The following EPHA6 variants were observed in gnomAD, a reference collection of about 807,000 sequenced individuals.
The protein encoded by EPHA6 is ephrin type-A receptor 6.
EPHA6 carries 50 observed loss-of-function variants against 112.0 expected under a neutral mutation model. That is an observed-to-expected ratio of 0.45 (90% confidence interval 0.36 to 0.56). EPHA6 has a LOEUF of 0.56. EPHA6 is among the 20% of genes least tolerant of loss of function. The probability of loss-of-function intolerance (pLI) is 0.00; values close to 1 mark genes in which losing one functional copy is unlikely to be tolerated. For missense variants in EPHA6, 1,280 were observed against 1,417.4 expected (o/e 0.90, Z 1.56); for synonymous variants, 529 against 490.7 (o/e 1.08, Z -1.03).
At chr3:97,425,555 G>C (rs1055964444) in intron 6 of EPHA6, among the ~76,000 whole-genome samples, 5 of 152,196 alleles carry the variant, frequency 3.3e-5, no homozygotes, top group African/African-American at 1.2e-4. Flanking sequence ...GCCCAGCCAT[G>C]AAAACATTCT....
intron 2 of EPHA6, among the ~76,000 whole-genome samples, chr3:96,882,768 G>GTGTGTGTATA (rs774521290): frequency 0.035 from 5,269 of 148,836 alleles, 174 homozygotes; most frequent in East Asian, 0.11. Flanking sequence ...GTGTGTGTGT[G>GTGTGTGTATA]TATAGTCAAT....
chr3:96,906,151 C>T (rs2038922718), intron 2 of EPHA6, among the ~76,000 whole-genome samples: 2 of 151,956 alleles, frequency 1.3e-5, no homozygotes, highest in Admixed American at 1.3e-4. Flanking sequence ...CTGAATTATC[C>T]ATATTCTTTT....
At chr3:97,717,231 CAAAAA>C (rs748817650) in intron 14 of EPHA6, among the ~76,000 whole-genome samples, 1 of 48,796 alleles carries the variant, frequency 2.0e-5, no homozygotes. Context: ...AACTCCATCT[CAAAAA>C]AAAAAAAAAA....
intron 2 of EPHA6, among the ~76,000 whole-genome samples, chr3:96,903,238 G>T (rs1309199048): frequency 6.6e-6 from 1 of 152,120 alleles, no homozygotes; most frequent in Non-Finnish European, 1.5e-5. Flanking sequence ...GCAAGTATGA[G>T]ACCAAAACAT....
At chr3:96,956,646 A>G (rs1467719011) in intron 2 of EPHA6, among the ~76,000 whole-genome samples, 1 of 152,162 alleles carries the variant, frequency 6.6e-6, no homozygotes, top group Non-Finnish European at 1.5e-5. Flanking sequence ...TTGGCAAGAG[A>G]AGTTGATCAG....
At chr3:97,039,549 T>C (rs1466297625) in intron 3 of EPHA6, among the ~76,000 whole-genome samples, 1 of 150,724 alleles carries the variant, frequency 6.6e-6, no homozygotes, top group Non-Finnish European at 1.5e-5. Flanking sequence ...TCATGGAACT[T>C]TTTTTTTTAA....
At chr3:97,354,694 A>G (rs1353691347) in intron 5 of EPHA6, among the ~76,000 whole-genome samples, 1 of 152,170 alleles carries the variant, frequency 6.6e-6, no homozygotes, top group Non-Finnish European at 1.5e-5. Flanking sequence ...AGTTTATTCA[A>G]ACAAATAATA....
chr3:97,540,094 G>A (rs914422767), intron 11 of EPHA6, among the ~76,000 whole-genome samples: 5 of 152,168 alleles, frequency 3.3e-5, no homozygotes, highest in African/African-American at 1.2e-4. Context: ...GTAATTTTCT[G>A]TACTTTCTCT....
intron 3 of EPHA6, among the ~76,000 whole-genome samples, chr3:97,179,374 A>G (rs1323023611): frequency 6.6e-6 from 1 of 151,950 alleles, no homozygotes; most frequent in Non-Finnish European, 1.5e-5. Flanking sequence ...CAGGTGCCTT[A>G]TTTAATTCAT....
At chr3:97,173,454 C>A (rs574586463) in intron 3 of EPHA6, among the ~76,000 whole-genome samples, 3 of 151,780 alleles carry the variant, frequency 2.0e-5, no homozygotes, top group South Asian at 2.1e-4. Flanking sequence ...GACTTGTAAC[C>A]AGATCATTTA....
chr3:96,923,381 A>G (rs527539803), intron 2 of EPHA6, among the ~76,000 whole-genome samples: 1 of 152,208 alleles, frequency 6.6e-6, no homozygotes, highest in South Asian at 2.1e-4. Flanking sequence ...GCATTTCCCT[A>G]ATGATCATTG....
At position 97,750,455 on chromosome 3, in the gene EPHA6, C is replaced by G. The variant is rs1264039473; in HGVS notation, c.*1754C>G. On this transcript the variant is annotated 3_prime_UTR_variant, in exon 18 of 18. Coordinates refer to ENST00000389672, the MANE Select transcript of EPHA6 (RefSeq NM_001080448.3). ...CACGGCAACCTCTGCCTCCCGGGTT[C>G]AAGCGATTCTCCTGCCTCAGCCACC... 2.6e-5 allele frequency among the ~76,000 whole-genome samples: 4 copies of G among 152,038 alleles called. No individual in the cohort carries two copies. The highest frequency in any genetic ancestry group is 9.7e-5 in the African/African-American group (4 of 41,382).
chr3:97,301,071 G>A (rs1416863266), intron 5 of EPHA6, among the ~76,000 whole-genome samples: 1 of 152,044 alleles, frequency 6.6e-6, no homozygotes, highest in Non-Finnish European at 1.5e-5. Flanking sequence ...AGCTTCTGTT[G>A]ATCCAAATAG....
rs776821750 is a variant in EPHA6 at position 97,475,488 on chromosome 3, G to A, written c.2003+28G>A. On this transcript the variant is annotated intron_variant, in intron 8 of 17. Coordinates refer to ENST00000389672, the MANE Select transcript of EPHA6 (RefSeq NM_001080448.3). ...AACTGAAACATACCATACTATTTCC[G>A]AGATTTATGAATAACCACTCTTTTT... 1.5e-4 allele frequency: 221 copies of A among 1,466,948 alleles called. No individual in the cohort carries two copies. In the Admixed American group the frequency reaches 1.5e-3, roughly 10 times the overall value. The allele number at this position is 1,466,948 out of a possible 1,614,324, so 90.9% of individuals were successfully genotyped here. A position where few individuals can be genotyped will look rare whatever the true frequency, so the allele number is the denominator to read the frequency against.
At chr3:97,225,445 T>G (rs996595938) in intron 3 of EPHA6, among the ~76,000 whole-genome samples, 10 of 152,248 alleles carry the variant, frequency 6.6e-5, no homozygotes, top group African/African-American at 2.2e-4. Flanking sequence ...AATACTTCAA[T>G]TATGAAAATG....
At chr3:97,272,862 C>A (rs2079936281) in intron 5 of EPHA6, among the ~76,000 whole-genome samples, 1 of 152,018 alleles carries the variant, frequency 6.6e-6, no homozygotes, top group South Asian at 2.1e-4. Context: ...AGAGGTCTGA[C>A]ATTCCTGTCT....
intron 6 of EPHA6, among the ~76,000 whole-genome samples, chr3:97,416,041 G>A (rs2088096894): frequency 6.6e-6 from 1 of 151,864 alleles, no homozygotes; most frequent in Non-Finnish European, 1.5e-5. Context: ...TTTAGCCCAA[G>A]TATTATAATC....
At chr3:97,521,400 A>T (rs567991103) in intron 10 of EPHA6, among the ~76,000 whole-genome samples, 1 of 152,174 alleles carries the variant, frequency 6.6e-6, no homozygotes, top group East Asian at 1.9e-4. Flanking sequence ...GGTTTAATTG[A>T]CTCATAGTTC....
At chr3:97,058,164 CAT>C (rs3064195) in intron 3 of EPHA6, among the ~76,000 whole-genome samples, 6,856 of 151,912 alleles carry the variant, frequency 0.045, 202 homozygotes, top group Middle Eastern at 0.11. Context: ...AACATTACCA[CAT>C]GTTTACATAT....
Sources: gnomAD v4.1 joint callset for allele counts (sites outside exome capture counted in the v4.1 genomes callset) on GRCh38, gnomAD v4.1.1 for gene constraint, MANE v1.5 for transcripts, NCBI Gene and HGNC (gene_info 2026-07-23, HGNC 2026-07-21) for gene names.